Variants in GAB1 observed in about 807,000 individuals in gnomAD.
The protein encoded by GAB1 is GRB2 associated binding protein 1.
Under a neutral mutation model 66.5 loss-of-function variants are expected in GAB1, and 19 were observed. The observed-to-expected ratio is 0.29, with a 90% CI of 0.20 to 0.42. The LOEUF (loss-of-function observed/expected upper bound fraction) is 0.42. GAB1 is among the 10% of genes least tolerant of loss of function. The pLI, the probability that GAB1 is intolerant of heterozygous loss-of-function variation, is 1.00. For synonymous variants in GAB1, 294 were observed against 301.4 expected (o/e 0.98, Z 0.25); for missense variants, 732 against 858.5 (o/e 0.85, Z 1.84).
rs202061197 is a variant in GAB1, at chr4:143,462,968, G to GA, written c.1803+2483dup. Among the ~76,000 whole-genome samples, 1,343 of 152,092 alleles carry GA rather than the reference G, an allele frequency of 8.8e-3. 26 individuals carry two copies. Among genetic ancestry groups the GA allele is most frequent in the African/African-American group, 0.03 (1,243 of 41,504 alleles). On this transcript the variant is annotated intron_variant, in intron 8 of 9. Transcript: ENST00000262994. ...TGAGCCACTGCACCTGGCCTGTGAT[G>GA]AATTTATGAAGTACTTAGGTCCTAT... is the stretch of plus-strand genomic sequence containing the variant.
intron 6 of GAB1, among the ~76,000 whole-genome samples, chr4:143,447,589 C>G (rs183229106): frequency 0.081 from 12,250 of 151,188 alleles, 978 homozygotes; most frequent in African/African-American, 0.21. Flanking sequence ...TGATTTGGCT[C>G]TCTGTTATTG....
At chr4:143,372,123 A>C (rs1002807010) in intron 1 of GAB1, among the ~76,000 whole-genome samples, 1 of 152,084 alleles carries the variant, frequency 6.6e-6, no homozygotes, top group Non-Finnish European at 1.5e-5. Flanking sequence ...TCAGGAGTTC[A>C]AGACCAGCCT....
chr4:143,393,219 G>T (rs1731267513), intron 1 of GAB1, among the ~76,000 whole-genome samples: 3 of 137,672 alleles, frequency 2.2e-5, no homozygotes, highest in South Asian at 2.3e-4. Context: ...ATTTACAAAG[G>T]TTTTTTTTTT....
At chr4:143,451,140 G>A (rs1017547359) in intron 6 of GAB1, among the ~76,000 whole-genome samples, 1 of 152,194 alleles carries the variant, frequency 6.6e-6, no homozygotes, top group African/African-American at 2.4e-5. Context: ...GGAAGGGGCT[G>A]TGGTTGAAGT....
At chr4:143,423,533 T>C (rs1283491051) in intron 2 of GAB1, among the ~76,000 whole-genome samples, 1 of 151,740 alleles carries the variant, frequency 6.6e-6, no homozygotes, top group African/African-American at 2.4e-5. Flanking sequence ...CCATCTCTAC[T>C]AAAAATACAA....
chr4:143,421,146 T>C (rs1732991038), intron 2 of GAB1, among the ~76,000 whole-genome samples: 1 of 152,130 alleles, frequency 6.6e-6, no homozygotes, highest in Admixed American at 6.5e-5. Context: ...GTGGATTAGT[T>C]TGGCCTATTC....
At chr4:143,388,711 G>A (rs191468224) in intron 1 of GAB1, among the ~76,000 whole-genome samples, 4 of 152,086 alleles carry the variant, frequency 2.6e-5, no homozygotes, top group African/African-American at 4.8e-5. Flanking sequence ...CACTGCGCCC[G>A]GCCTAGAGTT....
intron 1 of GAB1, among the ~76,000 whole-genome samples, chr4:143,337,699 T>C (rs1166755809): frequency 6.6e-6 from 1 of 152,176 alleles, no homozygotes; most frequent in Non-Finnish European, 1.5e-5. Flanking sequence ...ACTAGCCCTT[T>C]CTTTGGTGGG....
intron 8 of GAB1, among the ~76,000 whole-genome samples, chr4:143,463,074 A>G (rs540486489): frequency 6.6e-6 from 1 of 152,210 alleles, no homozygotes; most frequent in Admixed American, 6.5e-5. Flanking sequence ...TGCCAATTCC[A>G]TATCCTCATG....
chr4:143,416,066 A>C (rs1031387794), intron 2 of GAB1, among the ~76,000 whole-genome samples: 1 of 152,222 alleles, frequency 6.6e-6, no homozygotes, highest in Admixed American at 6.5e-5. Context: ...TATTCAGTTT[A>C]ACCATATAAC....
chr4:143,440,472 T>A, intron 6 of GAB1, 90 bp downstream of exon 6: 1 of 1,250,846 alleles, frequency 8.0e-7, no homozygotes, highest in Non-Finnish European at 1.1e-6. Flanking sequence ...GAATTTGGAC[T>A]AGAAATTCTG....
intron 1 of GAB1, among the ~76,000 whole-genome samples, chr4:143,371,831 G>A (rs1394116759): frequency 6.6e-6 from 1 of 152,014 alleles, no homozygotes; most frequent in African/African-American, 2.4e-5. Context: ...TCTTGTTTTT[G>A]TCAGGTTTGT....
At chr4:143,460,850 A>G (rs1266870170) in intron 8 of GAB1, among the ~76,000 whole-genome samples, 1 of 152,160 alleles carries the variant, frequency 6.6e-6, no homozygotes, top group East Asian at 1.9e-4. Context: ...GTTTTCAGTT[A>G]TATGTCATTT....
intron 1 of GAB1, among the ~76,000 whole-genome samples, chr4:143,346,627 C>G (rs28989196): frequency 0.013 from 1,895 of 151,592 alleles, 19 homozygotes; most frequent in Admixed American, 0.017. Context: ...ACGATTACCT[C>G]ATTCAGCTAG....
At position 143,466,221 on chromosome 4, in the gene GAB1, G is replaced by A. The variant is rs759346451; in HGVS notation, c.1922G>A (p.Arg641His). ...DLDSGKSTPP[R>H]KQKSSGSGSS... ...GATTCTGGGAAATCCACACCACCACGTAAGGTGAGTGACATGTGACATGTC... is the reference window on the plus strand; with the variant it reads ...GATTCTGGGAAATCCACACCACCACATAAGGTGAGTGACATGTGACATGTC... Residue 641 changes from arginine to histidine, a missense_variant, in exon 9 of 10, where the codon CGT (arginine) becomes CAT (histidine). Transcript: ENST00000262994. 4.1e-5 allele frequency: 66 copies of A among 1,613,262 alleles called. No homozygotes were observed. The highest frequency in any genetic ancestry group is 9.9e-5 in the South Asian group (9 of 91,038).
intron 1 of GAB1, 106 bp downstream of exon 1, chr4:143,337,366 C>A: frequency 6.4e-6 from 6 of 930,308 alleles, no homozygotes; most frequent in Non-Finnish European, 1.0e-5. Context: ...GGTTCTTAAA[C>A]GAATGCCGGT....
intron 6 of GAB1, among the ~76,000 whole-genome samples, chr4:143,458,633 G>A (rs1196339751): frequency 3.3e-5 from 5 of 151,896 alleles, no homozygotes; most frequent in Non-Finnish European, 5.9e-5. Context: ...GAACTCTGTG[G>A]TATATATTGG....
intron 1 of GAB1, among the ~76,000 whole-genome samples, chr4:143,386,695 A>G (rs140157282): frequency 2.9e-4 from 44 of 152,246 alleles, no homozygotes; most frequent in Admixed American, 2.7e-3. Context: ...GCCCAATTTT[A>G]TACAATATTT....
At chr4:143,460,574 G>C in intron 8 of GAB1, 87 bp downstream of exon 8, 3 of 1,226,428 alleles carry the variant, frequency 2.4e-6, no homozygotes, top group Non-Finnish European at 3.4e-6. Context: ...TTTTATCCTC[G>C]TATCTTTATA....
Sources: gnomAD v4.1 joint callset for allele counts (sites outside exome capture counted in the v4.1 genomes callset) on GRCh38, gnomAD v4.1.1 for gene constraint, MANE v1.5 for transcripts, NCBI Gene and HGNC (gene_info 2026-07-23, HGNC 2026-07-21) for gene names.